COL6A5: variants seen among roughly 807,000 people sequenced by gnomAD.
COL6A5 encodes the protein collagen alpha-5(VI) chain.
Under a neutral mutation model 65.6 loss-of-function variants are expected in COL6A5, and 48 were observed. The ratio of observed to expected loss-of-function variants is 0.73; its 90% CI spans 0.58 to 0.93. COL6A5 has a LOEUF of 0.93. COL6A5 is among the 40% of genes least tolerant of loss of function. The probability of loss-of-function intolerance (pLI) is 0.00; values close to 1 mark genes in which losing one functional copy is unlikely to be tolerated. For synonymous variants in COL6A5, 291 were observed against 322.8 expected, an observed-to-expected ratio of 0.90 and a Z score of 1.05; for missense variants, 914 against 928.3, an observed-to-expected ratio of 0.98 and a Z score of 0.20.
intron 13 of COL6A5, 52 bp downstream of exon 13, chr3:130,403,714 C>A (rs1233169672): frequency 2.2e-6 from 2 of 918,864 alleles, no homozygotes; most frequent in Non-Finnish European, 3.0e-6. Context: ...ACTGTACACA[C>A]ACACACACAC....
At chr3:130,479,989 G>A (rs1029731418) in intron 7 of COL6A5, among the ~76,000 whole-genome samples, 2 of 152,060 alleles carry the variant, frequency 1.3e-5, no homozygotes, top group Non-Finnish European at 1.5e-5. Flanking sequence ...AAAGATTACT[G>A]GGTGATTTTC....
intron 3 of COL6A5, 74 bp from the exon 36 acceptor site, chr3:130,443,401 CT>C: frequency 8.8e-7 from 1 of 1,140,056 alleles, no homozygotes; most frequent in South Asian, 1.3e-5. Flanking sequence ...AAGAGGATTC[CT>C]GTTGGGATTC....
Position 130,468,788 on chromosome 3 carries a change from GT to G in COL6A5, c.1545-5del, listed in dbSNP as rs777767196. 70 of 1,597,330 alleles carry G rather than the reference GT, an allele frequency of 4.4e-5. No homozygotes were observed. The highest frequency in any genetic ancestry group is 6.9e-5 in the Admixed American group (4 of 58,330). ...TAAAAAGAATGACTTGAGTTATTCT[GT>G]TGCAGGACATGAAAATTATGGCAGA... On this transcript the variant is annotated splice_polypyrimidine_tract_variant and splice_region_variant and intron_variant, in intron 5 of 7. Coordinates refer to ENST00000512836, the Ensembl canonical transcript of COL6A5.
chr3:130,479,453 A>G (rs2107625905), intron 7 of COL6A5, among the ~76,000 whole-genome samples: 1 of 152,264 alleles, frequency 6.6e-6, no homozygotes, highest in East Asian at 1.9e-4. Flanking sequence ...CAACAAACAA[A>G]CAAAAACCAC....
intron 3 of COL6A5, 121 bp from the exon 36 acceptor site, chr3:130,443,355 A>G (rs1709230578): frequency 1.5e-6 from 1 of 661,468 alleles, no homozygotes; most frequent in African/African-American, 1.8e-5. Context: ...CCCCAGCCAA[A>G]TTTTGCTGAA....
At chr3:130,373,541 C>G (rs2107634888) in intron 1 of COL6A5, 70 bp from the exon 2 acceptor site, 2 of 723,548 alleles carry the variant, frequency 2.8e-6, no homozygotes, top group Middle Eastern at 3.7e-4. Context: ...TGCCCTAATA[C>G]AACTATCCTG....
At chr3:130,432,760 A>T (rs534594165) in intron 1 of COL6A5, among the ~76,000 whole-genome samples, 77 of 152,240 alleles carry the variant, frequency 5.1e-4, no homozygotes, top group South Asian at 1.2e-3. Flanking sequence ...TTAACCAGTG[A>T]TGGAAGAAGT....
At chr3:130,360,244 C>T (rs546850490) in intron 1 of COL6A5, among the ~76,000 whole-genome samples, 7 of 152,224 alleles carry the variant, frequency 4.6e-5, no homozygotes, top group African/African-American at 1.4e-4. Flanking sequence ...AACAATCCAG[C>T]AGGTACCAGT....
At chr3:130,417,016 A>G (rs1272087380) in intron 24 of COL6A5, among the ~76,000 whole-genome samples, 197 bp downstream of exon 24, 2 of 151,532 alleles carry the variant, frequency 1.3e-5, no homozygotes, top group Non-Finnish European at 2.9e-5. Context: ...TGCTGCCCCC[A>G]TCAACCCATC....
intron 1 of COL6A5, among the ~76,000 whole-genome samples, chr3:130,371,533 A>G (rs1236463259): frequency 2.0e-5 from 3 of 152,182 alleles, no homozygotes; most frequent in African/African-American, 4.8e-5. Context: ...CTCATAGTAA[A>G]TTTGTTTTTG....
exon 4 of COL6A5, chr3:130,379,683 A>C (rs776992312): frequency 1.3e-6 from 2 of 1,551,362 alleles, no homozygotes; most frequent in African/African-American, 2.7e-5. Context: ...AAGTTGGGAA[A>C]TCCAATACAG....
upstream of COL6A5, among the ~76,000 whole-genome samples, chr3:130,428,179 C>T (rs968707257): frequency 6.6e-6 from 1 of 152,112 alleles, no homozygotes; most frequent in Non-Finnish European, 1.5e-5. Flanking sequence ...GAAGAGTAGG[C>T]AAGTTCTATA....
At chr3:130,481,808 C>CT (rs1398811956) in intron 7 of COL6A5, among the ~76,000 whole-genome samples, 7 of 152,180 alleles carry the variant, frequency 4.6e-5, no homozygotes, top group African/African-American at 1.7e-4. Context: ...GATGATGAGC[C>CT]TTTTTTTCAT....
intron 27 of COL6A5, among the ~76,000 whole-genome samples, chr3:130,422,462 CGTA>C (rs1937534917): frequency 6.6e-6 from 1 of 151,670 alleles, no homozygotes; most frequent in South Asian, 2.1e-4. Flanking sequence ...TTTGGATATT[CGTA>C]GTAACTGGAT....
chr3:130,388,362 G>GCATGCATC (rs1003258318), intron 5 of COL6A5, among the ~76,000 whole-genome samples: 1 of 151,944 alleles, frequency 6.6e-6, no homozygotes, highest in African/African-American at 2.4e-5. Flanking sequence ...ATGCATGCAT[G>GCATGCATC]CATGAATAAA....
At chr3:130,352,904 AG>A (rs998787211) in intron 1 of COL6A5, among the ~76,000 whole-genome samples, 12 of 152,208 alleles carry the variant, frequency 7.9e-5, no homozygotes, top group African/African-American at 2.7e-4. Flanking sequence ...GAATTTGGGC[AG>A]GGTGCTTGAT....
intron 1 of COL6A5, among the ~76,000 whole-genome samples, chr3:130,432,386 C>G (rs1937857085): frequency 6.6e-6 from 1 of 151,978 alleles, no homozygotes; most frequent in Non-Finnish European, 1.5e-5. Context: ...AACTTCATCT[C>G]TACTAAAAAT....
At position 130,425,443 on chromosome 3, in the gene COL6A5, C is replaced by G. The variant is rs73867695; in HGVS notation, c.5164-771C>G. 4.1e-3 allele frequency among the ~76,000 whole-genome samples: 622 copies of G among 152,188 alleles called. 8 individuals are homozygous for G. The highest frequency in any genetic ancestry group is 0.014 in the African/African-American group (580 of 41,544). On this transcript the variant is annotated intron_variant and NMD_transcript_variant, in intron 29 of 41. Coordinates refer to the COL6A5 transcript ENST00000312481. The stretch of plus-strand genomic sequence containing the variant: ...ATTTTTTTTGAAGTGAGCATACAGG[C>G]ATTCATTAGTTGCCCAAGGGAACCT...
At chr3:130,431,689 C>A (rs1937817769) in exon 1 of COL6A5, 11 of 1,551,604 alleles carry the variant, frequency 7.1e-6, no homozygotes, top group African/African-American at 4.1e-5. Flanking sequence ...GAAGAAGCAG[C>A]TCCTCCAGCA....
Sources: allele counts gnomAD v4.1 joint callset (sites outside exome capture counted in the v4.1 genomes callset), GRCh38; gene constraint gnomAD v4.1.1; transcripts MANE v1.5; gene names NCBI Gene and HGNC (gene_info 2026-07-23, HGNC 2026-07-21).